The following TACC3 variants were observed in gnomAD, a reference collection of about 807,000 sequenced individuals.
TACC3 encodes the protein transforming acidic coiled-coil-containing protein 3.
TACC3 carries 52 observed loss-of-function variants against 86.0 expected under a neutral mutation model. That is an observed-to-expected ratio of 0.60 (90% confidence interval 0.48 to 0.76). TACC3 has a LOEUF of 0.76. Among genes scored for constraint, TACC3 ranks in the 30% least tolerant of loss-of-function variants. TACC3 has a pLI of 0.00. For synonymous variants in TACC3, 512 were observed against 430.0 expected (o/e 1.19, Z -2.36); for missense variants, 1,120 against 1,070.4 (o/e 1.05, Z -0.65).
intron 6 of TACC3, among the ~76,000 whole-genome samples, chr4:1,733,463 G>A (rs1226699063): frequency 7.2e-5 from 11 of 151,866 alleles, no homozygotes; most frequent in African/African-American, 9.7e-5. Flanking sequence ...GACTAACCTG[G>A]GCAACATGGC....
intron 4 of TACC3, among the ~76,000 whole-genome samples, chr4:1,729,146 G>A (rs535649950): frequency 2.0e-4 from 31 of 152,304 alleles, no homozygotes; most frequent in African/African-American, 7.5e-4. Context: ...GGCAAAGCCT[G>A]TTACTGCCTG....
rs763534723 is a variant in TACC3, at chr4:1,739,753, C to T, written c.1993C>T (p.Leu665Phe). Residue 665 changes from leucine to phenylalanine, a missense_variant, in exon 11 of 16, where the codon CTC becomes TTC. Leu to Phe is a conservative substitution (Grantham distance 22). Coordinates refer to ENST00000313288, the MANE Select transcript of TACC3 (RefSeq NM_006342.3). ...NRELRSRCEE[L>F]HGKNLELGKI... ...GGAGCTGAGGAGCAGGTGTGAGGAG[C>T]TCCACGGGAAGAACCTGGAACTGGG... 4.4e-6 allele frequency: 7 copies of T among 1,587,312 alleles called. No homozygotes were observed. The South Asian group carries it at 6.9e-5, about 16-fold the overall frequency.
At chr4:1,741,022 G>C (rs762660551) in intron 13 of TACC3, 36 bp downstream of exon 13, 3 of 1,571,940 alleles carry the variant, frequency 1.9e-6, no homozygotes, top group Non-Finnish European at 2.6e-6. Context: ...TCACCTCGGA[G>C]GCTGATGGAC....
chr4:1,738,639 G>A (rs769137272), intron 10 of TACC3, among the ~76,000 whole-genome samples: 3 of 152,220 alleles, frequency 2.0e-5, no homozygotes, highest in South Asian at 2.1e-4. Flanking sequence ...GGTGCCCCTC[G>A]CAGATGGAGC....
At chr4:1,740,743 C>T in intron 12 of TACC3, 83 bp from the exon 13 acceptor site, 1 of 1,328,476 alleles carries the variant, frequency 7.5e-7, no homozygotes, top group East Asian at 2.3e-5. Context: ...GCTCGAGTCC[C>T]TTGCCTCATT....
At chr4:1,728,841 T>G in intron 4 of TACC3, 54 bp downstream of exon 4, 4 of 1,521,206 alleles carry the variant, frequency 2.6e-6, no homozygotes, top group Non-Finnish European at 3.5e-6. Flanking sequence ...CCCTGCAGTG[T>G]ATGTGGTCCA....
intron 11 of TACC3, 24 bp downstream of exon 11, chr4:1,739,802 C>T (rs1560321665): frequency 1.3e-6 from 2 of 1,574,750 alleles, no homozygotes; most frequent in Admixed American, 1.9e-5. Flanking sequence ...GTCTCCTGTC[C>T]TCCCCGTCCC....
chr4:1,722,192 C>T (rs1035953823), intron 1 of TACC3, among the ~76,000 whole-genome samples: 1 of 152,146 alleles, frequency 6.6e-6, no homozygotes, highest in Non-Finnish European at 1.5e-5. Flanking sequence ...TGCCCAGAGC[C>T]CCTCCCGGGC....
At chr4:1,734,689 T>G (rs1718167023) in intron 6 of TACC3, among the ~76,000 whole-genome samples, 1 of 152,074 alleles carries the variant, frequency 6.6e-6, no homozygotes, top group Non-Finnish European at 1.5e-5. Flanking sequence ...TCTTTTTTTT[T>G]GCAACAGTTT....
Position 1,735,829 on chromosome 4 carries a change from C to T in TACC3, c.1743C>T (p.Thr581=). 1.9e-6 allele frequency: 3 copies of T among 1,592,188 alleles called. No homozygotes were observed. Among genetic ancestry groups the T allele is most frequent in the Non-Finnish European group, 2.6e-6 (3 of 1,165,198 alleles). The change falls in exon 8 of 16, where the codon ACC becomes ACT. Residue 581 remains threonine (T), a synonymous_variant. Coordinates refer to ENST00000313288, the MANE Select transcript of TACC3 (RefSeq NM_006342.3). This position sits in a 1 kb window ranked among gnomAD's most constrained non-coding sequence, Gnocchi z 4.2. ...GACCAGTGCCCGTGGCCACCGAGAC[C>T]AGCAGGTATGTGCGCCGGCCCTCCC... The part of the protein sequence containing the change: ...PGRPVPVATE[T]SSMHGANETP...
rs147718285 is a variant in TACC3 at position 1,731,213 on chromosome 4, C to G, written c.1503C>G (p.Ser501Arg). 7.4e-6 allele frequency: 12 copies of G among 1,613,424 alleles called. No homozygotes were observed. Among genetic ancestry groups the G allele is most frequent in the Non-Finnish European group, 9.3e-6 (11 of 1,180,028 alleles). ...LNSASTSLPTSCPGSEPVPTH... is the reference protein window; with the variant it reads ...LNSASTSLPTRCPGSEPVPTH... The stretch of plus-strand genomic sequence containing the variant: ...CTGCCAGCACCTCGCTTCCCACAAG[C>G]TGTCCAGGCAGTGAGCCAGTGCCCA... The change falls in exon 6 of 16, where the codon AGC (serine) becomes AGG (arginine). Residue 501 changes from serine to arginine, a missense_variant. By Grantham distance (110) the Ser-to-Arg change is moderately radical. Coordinates refer to ENST00000313288, the MANE Select transcript of TACC3 (RefSeq NM_006342.3).
In TACC3 at chr4:1,728,324, C is replaced by T; in HGVS notation, c.922C>T (p.Leu308=). ...TGAGAGCACAGCCCCAACCAACCAC[C>T]TGGTGGCTGGCAGGGCCATGACCCT... ...APESTAPTNH[L]VAGRAMTLSP... is the part of the protein sequence containing the mutation. The change falls in exon 4 of 16, where the codon CTG becomes TTG. Residue 308 remains leucine (L), a synonymous_variant. Coordinates refer to ENST00000313288, the MANE Select transcript of TACC3 (RefSeq NM_006342.3). The T allele has an allele frequency of 1.2e-6, 2 of 1,613,034 alleles. No individual in the cohort carries two copies. The highest frequency in any genetic ancestry group is 2.2e-5 in the East Asian group (1 of 44,884).
chr4:1,742,112 AAAAC>A (rs1577226580), intron 13 of TACC3: 1 of 152,244 alleles, frequency 6.6e-6, no homozygotes. Flanking sequence ...TTAAAAAACA[AAAAC>A]AAAAACTGTT....
chr4:1,735,618 G>A lies in TACC3; in HGVS notation c.1645-113G>A, dbSNP rs916783274. 12 of 859,148 alleles carry A rather than the reference G, an allele frequency of 1.4e-5. No individual in the cohort carries two copies. In the African/African-American group the frequency reaches 2.3e-4, roughly 17 times the overall value. 53.2% of individuals were successfully genotyped at this position (859,148 alleles called of 1,614,324 possible). Reference sequence around the variant, plus strand: ...GCAGGGTTGTGGGTGACCGGGGGTGGGAGTGTGCGGGTGACCGGGGGTGGG... The same window carrying A: ...GCAGGGTTGTGGGTGACCGGGGGTGAGAGTGTGCGGGTGACCGGGGGTGGG... On this transcript the variant is annotated intron_variant, in intron 7 of 15. Transcript: ENST00000313288. This position sits in a 1 kb window ranked among gnomAD's most constrained non-coding sequence, Gnocchi z 4.2.
intron 10 of TACC3, chr4:1,738,447 T>A (rs973863358): frequency 2.6e-5 from 4 of 154,980 alleles, no homozygotes; most frequent in African/African-American, 9.6e-5. Context: ...AGTAACCCAA[T>A]AGCAGGCCTG....
chr4:1,741,048 G>T, intron 13 of TACC3, 62 bp downstream of exon 13: 1 of 1,515,980 alleles, frequency 6.6e-7, no homozygotes, highest in Non-Finnish European at 8.9e-7. Flanking sequence ...GTCCAAGCCA[G>T]CGGGGCTACA....
intron 12 of TACC3, 58 bp downstream of exon 12, chr4:1,740,060 C>T: frequency 6.4e-7 from 1 of 1,565,946 alleles, no homozygotes; most frequent in Non-Finnish European, 8.8e-7. Flanking sequence ...TATGCCCCAC[C>T]CTGGCCCTGC....
chr4:1,737,490 T>C, intron 9 of TACC3, 108 bp from the exon 10 acceptor site: 1 of 1,121,516 alleles, frequency 8.9e-7, no homozygotes, highest in South Asian at 1.5e-5. Context: ...GGGTCCCTCA[T>C]GCACTGTCTG....
intron 6 of TACC3, among the ~76,000 whole-genome samples, chr4:1,731,543 A>G (rs1718009492): frequency 2.6e-5 from 4 of 152,244 alleles, no homozygotes; most frequent in Admixed American, 2.6e-4. Flanking sequence ...ACTCAGGAAA[A>G]TGAGCAGGAG....
Sources: gnomAD v4.1 joint callset for allele counts (sites outside exome capture counted in the v4.1 genomes callset) on GRCh38, gnomAD v4.1.1 for gene constraint, Gnocchi (gnomAD v3.1) non-coding constraint, MANE v1.5 for transcripts, NCBI Gene and HGNC (gene_info 2026-07-23, HGNC 2026-07-21) for gene names.